Variants in SYT12 observed in about 807,000 individuals in gnomAD.
SYT12 encodes synaptotagmin 12.
Under a neutral mutation model 39.5 loss-of-function variants are expected in SYT12, and 27 were observed. The observed-to-expected ratio is 0.68, with a 90% CI of 0.50 to 0.94. The LOEUF (loss-of-function observed/expected upper bound fraction) is 0.94, where lower values mean the gene tolerates loss of function less well. Among genes scored for constraint, SYT12 ranks in the 40% least tolerant of loss-of-function variants. SYT12 has a pLI of 0.00. For synonymous variants in SYT12, 233 were observed against 239.7 expected, an observed-to-expected ratio of 0.97 and a Z score of 0.26; for missense variants, 536 against 572.6, an observed-to-expected ratio of 0.94 and a Z score of 0.65.
At chr11:67,025,813 T>A (rs1591358138) in intron 1 of SYT12, among the ~76,000 whole-genome samples, 1 of 150,968 alleles carries the variant, frequency 6.6e-6, no homozygotes, top group Admixed American at 6.6e-5. Flanking sequence ...GAGGAGGGGG[T>A]AGTAACAGGA....
At chr11:67,018,013 A>G (rs1382888359) in intron 3 of SYT12, among the ~76,000 whole-genome samples, 7 of 146,054 alleles carry the variant, frequency 4.8e-5, no homozygotes, top group South Asian at 2.2e-4. Flanking sequence ...TGTAATCCCA[A>G]TGCTTTGGGA....
intron 4 of SYT12, among the ~76,000 whole-genome samples, chr11:67,042,821 G>C (rs941190070): frequency 6.6e-6 from 1 of 152,064 alleles, no homozygotes; most frequent in Admixed American, 6.6e-5. Context: ...AGCACTGTGC[G>C]AGGAGCCTTC....
intron 2 of SYT12, among the ~76,000 whole-genome samples, chr11:67,034,396 G>T (rs1950321233): frequency 6.6e-6 from 1 of 152,148 alleles, no homozygotes; most frequent in Non-Finnish European, 1.5e-5. Context: ...TCAGATTTTT[G>T]GATTAGGAAT....
chr11:67,043,869 G>A lies in SYT12; in HGVS notation c.837+16G>A. On this transcript the variant is annotated intron_variant, in intron 5 of 7. Transcript: ENST00000527043. ...CCAGAACAAGGTAAGTGACTTGCCT[G>A]CTCGTCCACCTCGGAAGAGCGTGCA... 6.2e-7 allele frequency: 1 copy of A among 1,612,194 alleles called. No homozygotes were observed.
At chr11:67,021,269 G>A (rs1044500583), upstream of SYT12, among the ~76,000 whole-genome samples, 1 of 151,732 alleles carries the variant, frequency 6.6e-6, no homozygotes, top group Non-Finnish European at 1.5e-5. Flanking sequence ...GCTCACTCCC[G>A]CCCCTGCATC....
At chr11:67,045,133 G>T (rs1950591294) in intron 6 of SYT12, among the ~76,000 whole-genome samples, 1 of 152,284 alleles carries the variant, frequency 6.6e-6, no homozygotes, top group South Asian at 2.1e-4. Flanking sequence ...ACGGGGTTGG[G>T]GTGGGTGCCA....
At chr11:67,009,321 T>A (rs1949995125) in intron 1 of SYT12, among the ~76,000 whole-genome samples, 1 of 152,102 alleles carries the variant, frequency 6.6e-6, no homozygotes, top group African/African-American at 2.4e-5. Context: ...TTGATTTTTT[T>A]TCTTTTTTTT....
At chr11:67,016,260 G>A (rs982674233) in intron 3 of SYT12, among the ~76,000 whole-genome samples, 1 of 152,152 alleles carries the variant, frequency 6.6e-6, no homozygotes, top group East Asian at 1.9e-4. Flanking sequence ...CAGCCTGGGC[G>A]ACAGAGTGAG....
intron 3 of SYT12, among the ~76,000 whole-genome samples, chr11:67,012,399 A>C (rs1439696202): frequency 2.0e-5 from 3 of 152,000 alleles, no homozygotes; most frequent in African/African-American, 7.2e-5. Flanking sequence ...ATAATAAATA[A>C]ATAAAAGTCA....
At position 67,043,764 on chromosome 11, in the gene SYT12, A is replaced by G; in HGVS notation, c.748A>G (p.Ser250Gly). 3 of 1,614,160 alleles carry G rather than the reference A, an allele frequency of 1.9e-6. No individual in the cohort carries two copies. Among genetic ancestry groups the G allele is most frequent in the Non-Finnish European group, 2.5e-6 (3 of 1,180,040 alleles). The change falls in exon 5 of 8, where the codon AGC (serine) becomes GGC (glycine). Residue 250 changes from serine (S) to glycine (G), a missense_variant. Physicochemically the swap from Ser to Gly is moderately conservative, Grantham distance 56. Coordinates refer to ENST00000527043, the MANE Select transcript of SYT12 (RefSeq NM_177963.4). ...CATCGATGAGGATGAGCGCAACGTC[A>G]GCACGGGGGTGGTGGAGCTGAAGCT... ...FGIDEDERNV[S>G]TGVVELKLSV...
chr11:67,009,610 A>G (rs1949998475), intron 1 of SYT12, among the ~76,000 whole-genome samples: 1 of 152,118 alleles, frequency 6.6e-6, no homozygotes. Context: ...TGATTTAAAT[A>G]CTGACAAAAC....
Position 67,034,726 on chromosome 11 carries a change from T to A in SYT12, c.116T>A (p.Leu39Gln). ...CTGCTGGGAATCGCAGCTGTGAGCCTGTGGAAGCTCTGGACGTCGGGGAGC... is the reference window on the plus strand; with the variant it reads ...CTGCTGGGAATCGCAGCTGTGAGCCAGTGGAAGCTCTGGACGTCGGGGAGC... ...LALLGIAAVS[L>Q]WKLWTSGSFP... is the part of the protein sequence containing the mutation. Residue 39 changes from leucine to glutamine, a missense_variant, in exon 3 of 8, where the codon CTG (leucine) becomes CAG (glutamine). Physicochemically the swap from Leu to Gln is moderately radical, Grantham distance 113 (BLOSUM62 -2). Coordinates refer to ENST00000527043, the MANE Select transcript of SYT12 (RefSeq NM_177963.4). The A allele has an allele frequency of 6.2e-7, 1 of 1,602,524 alleles. No individual in the cohort carries two copies.
chr11:67,045,655 G>T, intron 6 of SYT12, 89 bp from the exon 7 acceptor site: 1 of 1,532,880 alleles, frequency 6.5e-7, no homozygotes, highest in Non-Finnish European at 8.9e-7. Flanking sequence ...TAAGCATTGG[G>T]GAGTTTGGAG....
At chr11:67,030,284 A>C in intron 2 of SYT12, 106 bp downstream of exon 2, 1 of 1,315,788 alleles carries the variant, frequency 7.6e-7, no homozygotes, top group South Asian at 1.3e-5. Flanking sequence ...CTTGCCATTA[A>C]TGTCTTCACT....
At chr11:67,047,615 G>A (rs1590659260) in intron 7 of SYT12, among the ~76,000 whole-genome samples, 1 of 151,264 alleles carries the variant, frequency 6.6e-6, no homozygotes, top group South Asian at 2.1e-4. Context: ...AGCTGAGGTA[G>A]CAAGAGCCCA....
intron 1 of SYT12, chr11:67,029,757 G>C (rs1950232097): frequency 1.2e-5 from 2 of 169,368 alleles, no homozygotes; most frequent in South Asian, 3.4e-4. Flanking sequence ...GGGAGGCTGA[G>C]GCAGGAGATC....
intron 1 of SYT12, among the ~76,000 whole-genome samples, chr11:67,023,846 C>T (rs1049552695): frequency 6.6e-6 from 1 of 152,244 alleles, no homozygotes; most frequent in Non-Finnish European, 1.5e-5. Context: ...CCCATACACC[C>T]TGGAGGTTCC....
chr11:67,028,434 T>G (rs1215156278), intron 1 of SYT12: 1 of 152,210 alleles, frequency 6.6e-6, no homozygotes, highest in Non-Finnish European at 1.5e-5. Context: ...GCTGTGCACC[T>G]TATCTGACCT....
chr11:67,036,942 G>A (rs576048388), intron 3 of SYT12, among the ~76,000 whole-genome samples: 7 of 152,228 alleles, frequency 4.6e-5, no homozygotes, highest in Non-Finnish European at 8.8e-5. Context: ...GTGTGGTGGC[G>A]CATGCCTGTA....
Sources: allele counts gnomAD v4.1 joint callset (sites outside exome capture counted in the v4.1 genomes callset), GRCh38; gene constraint gnomAD v4.1.1; transcripts MANE v1.5; gene names NCBI Gene and HGNC (gene_info 2026-07-23, HGNC 2026-07-21).